DLGAP2: variants seen among roughly 807,000 people sequenced by gnomAD.
The protein encoded by DLGAP2 is DLG associated protein 2, also known as disks large-associated protein 2.
In DLGAP2, 26 loss-of-function variants were observed where a neutral mutation model predicts 100.3. That is an observed-to-expected ratio of 0.26 (90% CI 0.19 to 0.36). The LOEUF (loss-of-function observed/expected upper bound fraction) is 0.36, where lower values mean the gene tolerates loss of function less well. DLGAP2 is among the 10% of genes least tolerant of loss of function. DLGAP2 has a pLI of 1.00. For synonymous variants in DLGAP2, 886 were observed against 630.1 expected (o/e 1.41, Z -6.08); for missense variants, 1,858 against 1,453.2 (o/e 1.28, Z -4.53).
chr8:853,428 G>T (rs865896279), intron 1 of DLGAP2, among the ~76,000 whole-genome samples: 1 of 152,234 alleles, frequency 6.6e-6, no homozygotes, highest in Non-Finnish European at 1.5e-5. Context: ...AGCCCTGCCA[G>T]CAGGAGAGCA....
intron 2 of DLGAP2, among the ~76,000 whole-genome samples, chr8:1,193,094 C>G (rs190594333): frequency 2.6e-4 from 39 of 152,208 alleles, no homozygotes; most frequent in African/African-American, 9.4e-4. Context: ...TGGGTTGCTT[C>G]CAAGTCTTTG....
intron 3 of DLGAP2, among the ~76,000 whole-genome samples, chr8:1,325,913 T>C (rs772213909): frequency 7.9e-5 from 12 of 152,194 alleles, no homozygotes; most frequent in African/African-American, 2.9e-4. Context: ...ATCTTTATTG[T>C]AGTGGTAACT....
intron 6 of DLGAP2, among the ~76,000 whole-genome samples, chr8:1,605,504 C>T (rs542607534): frequency 6.6e-6 from 1 of 152,286 alleles, no homozygotes; most frequent in African/African-American, 2.4e-5. Context: ...GTGAGTGCGG[C>T]CTGTCCTTTG....
chr8:1,081,383 G>T (rs1803803113), intron 2 of DLGAP2, among the ~76,000 whole-genome samples: 1 of 152,232 alleles, frequency 6.6e-6, no homozygotes, highest in African/African-American at 2.4e-5. Flanking sequence ...ATGGAATCTT[G>T]CTCTGTCGCC....
intron 3 of DLGAP2, among the ~76,000 whole-genome samples, chr8:1,379,178 G>C: frequency 6.6e-6 from 1 of 152,250 alleles, no homozygotes; most frequent in Admixed American, 6.5e-5. Flanking sequence ...TCAGCCTCAC[G>C]GGGCCACCCG....
chr8:780,978 G>T (rs2132623582), intron 1 of DLGAP2, among the ~76,000 whole-genome samples: 1 of 152,290 alleles, frequency 6.6e-6, no homozygotes, highest in South Asian at 2.1e-4. Context: ...ATCTGGCAAT[G>T]AATTACATTT....
chr8:1,025,028 C>A (rs568071580), intron 2 of DLGAP2, among the ~76,000 whole-genome samples: 1 of 151,850 alleles, frequency 6.6e-6, no homozygotes, highest in Non-Finnish European at 1.5e-5. Flanking sequence ...TCTCTGCTCC[C>A]CCCTCTCCTG....
rs189388268 is a variant in DLGAP2 at position 1,432,654 on chromosome 8, A to G, written c.107-68712A>G. 2.6e-5 allele frequency among the ~76,000 whole-genome samples: 4 copies of G among 152,332 alleles called. No homozygotes were observed. The East Asian group carries it at 7.7e-4, about 29-fold the overall frequency. On this transcript the variant is annotated intron_variant, in intron 3 of 14. Transcript: ENST00000637795. Reference sequence around the variant, plus strand: ...AAACACATTTGACATTTTCATATTGAAGGCACTGGCCCTGAGCTGTTCTCT... The same window carrying G: ...AAACACATTTGACATTTTCATATTGGAGGCACTGGCCCTGAGCTGTTCTCT...
intron 2 of DLGAP2, among the ~76,000 whole-genome samples, chr8:1,115,325 T>A (rs1193280066): frequency 6.6e-6 from 1 of 152,228 alleles, no homozygotes. Flanking sequence ...GGAGTCTTTT[T>A]CTCTTTGAAG....
At chr8:989,758 T>C (rs1800600930) in intron 2 of DLGAP2, among the ~76,000 whole-genome samples, 1 of 152,182 alleles carries the variant, frequency 6.6e-6, no homozygotes. Flanking sequence ...AAATACATAA[T>C]ATTGTTTTTG....
chr8:812,358 C>T (rs1011022637), intron 1 of DLGAP2, among the ~76,000 whole-genome samples: 7 of 152,108 alleles, frequency 4.6e-5, no homozygotes, highest in Admixed American at 3.3e-4. Flanking sequence ...ATGGAGTTAG[C>T]GATGGTGTCT....
chr8:1,676,095 G>C (rs778006209), intron 10 of DLGAP2, among the ~76,000 whole-genome samples: 1 of 152,128 alleles, frequency 6.6e-6, no homozygotes, highest in Non-Finnish European at 1.5e-5. Flanking sequence ...TCCTTTCTGT[G>C]TCTTTCTGTA....
intron 3 of DLGAP2, among the ~76,000 whole-genome samples, chr8:1,467,840 T>A (rs1798668533): frequency 6.6e-6 from 1 of 151,970 alleles, no homozygotes; most frequent in Admixed American, 6.6e-5. Context: ...GGCGCCAGGG[T>A]GAGAAGCTGA....
At chr8:1,694,035 A>G (rs781308610) in intron 13 of DLGAP2, among the ~76,000 whole-genome samples, 12 of 152,206 alleles carry the variant, frequency 7.9e-5, no homozygotes, top group Non-Finnish European at 1.6e-4. Flanking sequence ...CCCAAGGTGC[A>G]TATTCAGACC....
chr8:804,607 C>G (rs966007900), intron 1 of DLGAP2, among the ~76,000 whole-genome samples: 2 of 152,180 alleles, frequency 1.3e-5, no homozygotes, highest in Non-Finnish European at 2.9e-5. Context: ...GCTGCCTGTA[C>G]TTTACCAGAA....
At chr8:1,139,852 T>C (rs141192013) in intron 2 of DLGAP2, among the ~76,000 whole-genome samples, 113 of 152,048 alleles carry the variant, frequency 7.4e-4, no homozygotes, top group African/African-American at 2.6e-3. Flanking sequence ...GTCTGTGGCG[T>C]AGGGTTCTAT....
intron 1 of DLGAP2, among the ~76,000 whole-genome samples, chr8:776,430 G>T (rs200009943): frequency 3.8e-4 from 58 of 151,974 alleles, no homozygotes; most frequent in African/African-American, 1.2e-3. Flanking sequence ...CTAGTTCTTT[G>T]AATTGTGATG....
chr8:1,671,572 C>T (rs1014830603), intron 10 of DLGAP2, among the ~76,000 whole-genome samples: 9 of 152,236 alleles, frequency 5.9e-5, no homozygotes, highest in Non-Finnish European at 1.0e-4. Flanking sequence ...CCCTTGTTCA[C>T]AGTGCATTGC....
intron 3 of DLGAP2, among the ~76,000 whole-genome samples, chr8:1,453,567 T>G (rs567466080): frequency 5.9e-5 from 9 of 152,258 alleles, no homozygotes; most frequent in South Asian, 4.1e-4. Context: ...TGCAGTCATT[T>G]GCAAACTGAG....
Sources: gnomAD v4.1 joint callset for allele counts (sites outside exome capture counted in the v4.1 genomes callset) on GRCh38, gnomAD v4.1.1 for gene constraint, MANE v1.5 for transcripts, NCBI Gene and HGNC (gene_info 2026-07-23, HGNC 2026-07-21) for gene names.